Variants in CDH13 observed in about 807,000 individuals in gnomAD.
The protein encoded by CDH13 is cadherin-13.
A neutral mutation model predicts 63.8 loss-of-function variants in CDH13; 24 were observed. That is an observed-to-expected ratio of 0.38 (90% CI 0.27 to 0.53). CDH13 has a LOEUF of 0.53. CDH13 is among the 20% of genes least tolerant of loss of function. CDH13 has a pLI of 0.85. For missense variants in CDH13, 1,049 were observed against 903.1 expected (o/e 1.16, Z -2.07); for synonymous variants, 503 against 355.3 (o/e 1.42, Z -4.67).
Position 82,710,350 on chromosome 16 carries a change from G to A in CDH13, c.45+83213G>A, listed in dbSNP as rs368078969. On this transcript the variant is annotated intron_variant, in intron 1 of 13. Transcript: ENST00000567109. ...AGATCGAGACCATCGTGGTTAACAT[G>A]GTGAAACCCCATCTCTACTATAAAT... 3.2e-4 allele frequency among the ~76,000 whole-genome samples: 47 copies of A among 145,260 alleles called. No individual in the cohort carries two copies. In the East Asian group the frequency reaches 7.3e-3, roughly 23 times the overall value.
At chr16:83,664,036 G>A (rs971094129) in intron 8 of CDH13, among the ~76,000 whole-genome samples, 1 of 151,922 alleles carries the variant, frequency 6.6e-6, no homozygotes, top group Admixed American at 6.6e-5. Context: ...AGTCATGGTG[G>A]TTTAGGCCTG....
chr16:83,685,856 A>T (rs940132684), intron 10 of CDH13, among the ~76,000 whole-genome samples: 1 of 152,162 alleles, frequency 6.6e-6, no homozygotes, highest in Non-Finnish European at 1.5e-5. Context: ...GCCTCTAGGG[A>T]ATAGGGTGCC....
chr16:83,632,511 A>C (rs1910875889), intron 8 of CDH13, among the ~76,000 whole-genome samples: 1 of 152,022 alleles, frequency 6.6e-6, no homozygotes, highest in Non-Finnish European at 1.5e-5. Context: ...TAGACCCTCC[A>C]GTTCTCAGAT....
chr16:83,788,524 G>A (rs563030597), intron 13 of CDH13, among the ~76,000 whole-genome samples: 6 of 151,232 alleles, frequency 4.0e-5, no homozygotes, highest in African/African-American at 1.5e-4. Flanking sequence ...ACCAACAAGG[G>A]ATTTTCTTGT....
At chr16:83,246,490 G>A (rs570910340) in intron 5 of CDH13, among the ~76,000 whole-genome samples, 1 of 151,830 alleles carries the variant, frequency 6.6e-6, no homozygotes, top group South Asian at 2.1e-4. Flanking sequence ...CCTATCATTG[G>A]CCTGGCATTC....
chr16:83,559,304 G>A (rs1276748991), intron 7 of CDH13, among the ~76,000 whole-genome samples: 2 of 152,142 alleles, frequency 1.3e-5, no homozygotes, highest in Admixed American at 6.5e-5. Flanking sequence ...AGACATGGTG[G>A]TTCACACCTG....
At chr16:82,936,014 C>T (rs1345101352) in intron 2 of CDH13, among the ~76,000 whole-genome samples, 5 of 152,188 alleles carry the variant, frequency 3.3e-5, no homozygotes, top group African/African-American at 1.2e-4. Context: ...ATGATGTTTA[C>T]ACAGGGCATG....
At chr16:83,719,559 T>C (rs1292800735) in intron 10 of CDH13, among the ~76,000 whole-genome samples, 2 of 152,134 alleles carry the variant, frequency 1.3e-5, no homozygotes, top group Non-Finnish European at 2.9e-5. Context: ...AAGTGTTCGC[T>C]TATGAGGATG....
At chr16:83,125,164 T>C (rs2035754197) in intron 3 of CDH13, among the ~76,000 whole-genome samples, 1 of 152,188 alleles carries the variant, frequency 6.6e-6, no homozygotes, top group African/African-American at 2.4e-5. Flanking sequence ...GATTTGGAAG[T>C]TGGGTGTTCA....
intron 4 of CDH13, among the ~76,000 whole-genome samples, chr16:83,216,443 T>TATACACACACATAC (rs1472700247): frequency 3.2e-5 from 3 of 93,434 alleles, no homozygotes; most frequent in African/African-American, 1.2e-4. Flanking sequence ...TATATATATA[T>TATACACACACATAC]ACACAACCCT....
intron 6 of CDH13, among the ~76,000 whole-genome samples, chr16:83,397,113 C>T (rs1200467112): frequency 6.6e-6 from 1 of 152,116 alleles, no homozygotes; most frequent in East Asian, 1.9e-4. Context: ...ACCCCCACTC[C>T]CCAGCATGTC....
chr16:82,851,917 C>A (rs2039505955), intron 1 of CDH13, among the ~76,000 whole-genome samples: 1 of 152,190 alleles, frequency 6.6e-6, no homozygotes. Context: ...AATACACTGA[C>A]TTTAACAAGA....
chr16:83,450,006 C>G (rs2072839049), intron 6 of CDH13, among the ~76,000 whole-genome samples: 1 of 152,172 alleles, frequency 6.6e-6, no homozygotes, highest in African/African-American at 2.4e-5. Flanking sequence ...GCAGATAGTT[C>G]CCCCGCCCCG....
chr16:82,830,397 TCATGGTCCC>T (rs1225682035), intron 1 of CDH13, among the ~76,000 whole-genome samples: 2 of 152,258 alleles, frequency 1.3e-5, no homozygotes, highest in African/African-American at 4.8e-5. Flanking sequence ...CTGAGATTCA[TCATGGTCCC>T]CATGGGCAGT....
At chr16:83,169,540 A>G (rs1045427122) in intron 4 of CDH13, among the ~76,000 whole-genome samples, 2 of 149,996 alleles carry the variant, frequency 1.3e-5, no homozygotes, top group African/African-American at 5.0e-5. Flanking sequence ...TTTTTTTGCC[A>G]TTTAAAAAAC....
intron 4 of CDH13, among the ~76,000 whole-genome samples, chr16:83,162,179 A>G (rs1818336967): frequency 6.6e-6 from 1 of 152,184 alleles, no homozygotes; most frequent in African/African-American, 2.4e-5. Context: ...TTTACAGATA[A>G]TAAGAAACAT....
chr16:82,708,823 G>C (rs2031693239), intron 1 of CDH13, among the ~76,000 whole-genome samples: 1 of 152,160 alleles, frequency 6.6e-6, no homozygotes, highest in Non-Finnish European at 1.5e-5. Context: ...TGCACAGTGT[G>C]AATATCAGAG....
At chr16:82,645,507 G>C (rs954662670) in intron 1 of CDH13, among the ~76,000 whole-genome samples, 1 of 152,024 alleles carries the variant, frequency 6.6e-6, no homozygotes, top group African/African-American at 2.4e-5. Context: ...TGGGCATCTA[G>C]TGGGCAGAGC....
At chr16:83,560,291 A>G (rs371766600) in intron 7 of CDH13, among the ~76,000 whole-genome samples, 9 of 152,240 alleles carry the variant, frequency 5.9e-5, no homozygotes, top group African/African-American at 1.9e-4. Context: ...CTAATGCTAC[A>G]AAGATAAAAG....
Sources: allele counts gnomAD v4.1 joint callset (sites outside exome capture counted in the v4.1 genomes callset), GRCh38; gene constraint gnomAD v4.1.1; transcripts MANE v1.5; gene names NCBI Gene and HGNC (gene_info 2026-07-23, HGNC 2026-07-21).